The following DOCK11 variants were observed in gnomAD, a reference collection of about 807,000 sequenced individuals.
DOCK11 encodes dedicator of cytokinesis protein 11.
Under a neutral mutation model 169.1 loss-of-function variants are expected in DOCK11, and 70 were observed. The observed-to-expected ratio is 0.41, with a 90% CI of 0.34 to 0.51. The LOEUF is 0.51. Among genes scored for constraint, DOCK11 ranks in the 20% least tolerant of loss-of-function variants. The pLI is 0.10. For missense variants in DOCK11, 1,166 were observed against 1,538.8 expected (o/e 0.76, Z 4.05); for synonymous variants, 529 against 541.3 (o/e 0.98, Z 0.32).
chrX:118,557,976 C>CT (rs761127913), intron 6 of DOCK11, among the ~76,000 whole-genome samples: 927 of 90,488 alleles, frequency 0.01, 8 homozygotes, highest in Middle Eastern at 0.039. Context: ...CTGTGTGAAC[C>CT]TTTTTTTTTT....
intron 1 of DOCK11, among the ~76,000 whole-genome samples, chrX:118,542,090 T>C (rs150152309): frequency 8.9e-6 from 1 of 111,766 alleles, no homozygotes; most frequent in East Asian, 2.8e-4. Flanking sequence ...CTTCCAAGTA[T>C]GCCACTTTTT....
intron 14 of DOCK11, among the ~76,000 whole-genome samples, chrX:118,581,798 C>T (rs2013646153): frequency 1.5e-5 from 1 of 65,410 alleles, no homozygotes; most frequent in Non-Finnish European, 2.6e-5. Flanking sequence ...AGCGAGACTC[C>T]GTCTCCTAAA....
At chrX:118,508,663 C>T (rs1005906153) in intron 1 of DOCK11, among the ~76,000 whole-genome samples, 4 of 111,402 alleles carry the variant, frequency 3.6e-5, no homozygotes, top group African/African-American at 1.3e-4. Context: ...TGTGTCCAGC[C>T]GAGTGTTTAC....
chrX:118,672,682 G>A (rs764623018), intron 46 of DOCK11, among the ~76,000 whole-genome samples: 62 of 112,989 alleles, frequency 5.5e-4, no homozygotes, highest in Non-Finnish European at 9.9e-4. Context: ...TGATGCGCCC[G>A]CCTTGGCCTC....
chrX:118,523,474 T>G (rs2011306059), intron 1 of DOCK11, among the ~76,000 whole-genome samples: 1 of 111,960 alleles, frequency 8.9e-6, no homozygotes, highest in Non-Finnish European at 1.9e-5. Flanking sequence ...AAAAGACAGT[T>G]TGGTAGGTTG....
chrX:118,593,341 C>T lies in DOCK11; in HGVS notation c.2263+4C>T, dbSNP rs368232904. ...CAAGACACAGTTGAAACTCCAGGTA[C>T]GTGTTCTCTTTAAATGTCTCTCTCT... On this transcript the variant is annotated splice_donor_region_variant and intron_variant, in intron 20 of 52. Transcript: ENST00000276202. The T allele has an allele frequency of 8.4e-6, 10 of 1,194,354 alleles. No homozygotes were observed. In the East Asian group the frequency reaches 9.0e-5, roughly 11 times the overall value.
intron 4 of DOCK11, among the ~76,000 whole-genome samples, 184 bp downstream of exon 4, chrX:118,543,777 T>C (rs1451075332): frequency 4.5e-5 from 5 of 111,853 alleles, no homozygotes; most frequent in South Asian, 3.7e-4. Flanking sequence ...GGTGAAACCC[T>C]GTCTCTACTA....
chrX:118,572,456 C>A lies in DOCK11; in HGVS notation c.1169C>A (p.Pro390His). The A allele has an allele frequency of 8.3e-7, 1 of 1,199,984 alleles. No individual in the cohort carries two copies. The highest frequency in any genetic ancestry group is 1.1e-6 in the Non-Finnish European group (1 of 888,433). Residue 390 changes from proline (P) to histidine (H), a missense_variant, in exon 11 of 53, where the codon CCC becomes CAC. Physicochemically the swap from Pro to His is moderately conservative, Grantham distance 77 (BLOSUM62 -2). Transcript: ENST00000276202. ...GQIGDNAKGP[P>H]TNVEPFFINL... Reference sequence around the variant, plus strand: ...ATTGGAGACAATGCAAAAGGACCACCCACAAATGTATGTATGACTTTGCCT... The same window carrying A: ...ATTGGAGACAATGCAAAAGGACCACACACAAATGTATGTATGACTTTGCCT...
At chrX:118,518,480 G>A (rs1397907325) in intron 1 of DOCK11, among the ~76,000 whole-genome samples, 1 of 111,925 alleles carries the variant, frequency 8.9e-6, no homozygotes, top group Non-Finnish European at 1.9e-5. Flanking sequence ...AGACCAAGGC[G>A]AGAGGATTCC....
chrX:118,658,366 G>A (rs1329632024), intron 44 of DOCK11, among the ~76,000 whole-genome samples: 1 of 112,619 alleles, frequency 8.9e-6, no homozygotes, highest in Non-Finnish European at 1.9e-5. Context: ...CACATTGGAA[G>A]CAGATGTTCT....
rs781508329 is a variant in DOCK11, at chrX:118,600,121, G to A, written c.2562+893G>A. On this transcript the variant is annotated intron_variant, in intron 23 of 52. Coordinates refer to ENST00000276202, the MANE Select transcript of DOCK11 (RefSeq NM_144658.4). ...GGTGGTTGTGAGACTTAAATGAGATGATGGAGCTGGGCATGGTGCTTCACG... is the reference window on the plus strand; with the variant it reads ...GGTGGTTGTGAGACTTAAATGAGATAATGGAGCTGGGCATGGTGCTTCACG... 3.6e-5 allele frequency among the ~76,000 whole-genome samples: 4 copies of A among 111,553 alleles called. No homozygotes were observed. The South Asian group carries it at 1.1e-3, about 31-fold the overall frequency.
chrX:118,499,525 AC>A (rs1484504274), intron 1 of DOCK11, among the ~76,000 whole-genome samples: 2 of 110,847 alleles, frequency 1.8e-5, no homozygotes, highest in Non-Finnish European at 3.8e-5. Flanking sequence ...GACTCCCCCA[AC>A]CCGCCGCTCA....
rs1169115403 is a variant in DOCK11 at position 118,585,022 on chromosome X, A to G, written c.1719-19A>G. On this transcript the variant is annotated intron_variant, in intron 15 of 52. Coordinates refer to ENST00000276202, the MANE Select transcript of DOCK11 (RefSeq NM_144658.4). ...GTAATCATAATTTTAACTCTAAAAT[A>G]TTATTATTTTATACCCAGGCCAGAA... 1 of 1,194,383 alleles carries G rather than the reference A, an allele frequency of 8.4e-7. No individual in the cohort carries two copies.
At chrX:118,529,401 TAA>T (rs1428436482) in intron 1 of DOCK11, among the ~76,000 whole-genome samples, 1 of 112,561 alleles carries the variant, frequency 8.9e-6, no homozygotes, top group Non-Finnish European at 1.9e-5. Flanking sequence ...TTCATACTAT[TAA>T]AAGTGTTCAG....
Position 118,648,093 on chromosome X carries a change from ATAT to A in DOCK11, c.4399-848_4399-846del, listed in dbSNP as rs1190258891. 5.8e-4 allele frequency among the ~76,000 whole-genome samples: 42 copies of A among 72,743 alleles called. 1 individual carries two copies. The highest frequency in any genetic ancestry group is 9.1e-4 in the Non-Finnish European group (38 of 41,938). The allele number at this position is 72,743 out of a possible 115,157, so 63.2% of individuals were successfully genotyped here. A position where few individuals can be genotyped will look rare whatever the true frequency, so the allele number is the denominator to read the frequency against. On this transcript the variant is annotated intron_variant, in intron 40 of 52. Transcript: ENST00000276202. ...TGTAATATATATAATATAAATTGTA[ATAT>A]TATACAATATAATATATAAATTGTA... is the stretch of plus-strand genomic sequence containing the variant.
At chrX:118,522,805 C>G (rs367638424) in intron 1 of DOCK11, among the ~76,000 whole-genome samples, 5 of 111,872 alleles carry the variant, frequency 4.5e-5, no homozygotes, top group African/African-American at 1.6e-4. Flanking sequence ...TCAGTTGATT[C>G]CTGACCTAAT....
intron 1 of DOCK11, among the ~76,000 whole-genome samples, chrX:118,521,314 G>T (rs1341498043): frequency 1.8e-5 from 2 of 112,050 alleles, no homozygotes; most frequent in African/African-American, 3.2e-5. Flanking sequence ...CATACCTACC[G>T]CATAAGGTAA....
intron 44 of DOCK11, among the ~76,000 whole-genome samples, chrX:118,655,909 C>T (rs1480977922): frequency 1.8e-5 from 2 of 112,195 alleles, no homozygotes; most frequent in Admixed American, 9.4e-5. Flanking sequence ...TTACAGAATT[C>T]CTACAGTTAA....
chrX:118,505,741 T>C (rs1239642483), intron 1 of DOCK11, among the ~76,000 whole-genome samples: 1 of 111,633 alleles, frequency 9.0e-6, no homozygotes, highest in Non-Finnish European at 1.9e-5. Flanking sequence ...GTTTAATGAG[T>C]GAGTGGGAAG....
Sources: gnomAD v4.1 joint callset for allele counts (sites outside exome capture counted in the v4.1 genomes callset) on GRCh38, gnomAD v4.1.1 for gene constraint, MANE v1.5 for transcripts, NCBI Gene and HGNC (gene_info 2026-07-23, HGNC 2026-07-21) for gene names.